ODAD1: variants seen among roughly 807,000 people sequenced by gnomAD.
The protein encoded by ODAD1 is outer dynein arm-docking complex subunit 1.
Under a neutral mutation model 67.2 loss-of-function variants are expected in ODAD1, and 49 were observed. That is an observed-to-expected ratio of 0.73 (90% CI 0.58 to 0.92). The LOEUF (loss-of-function observed/expected upper bound fraction) is 0.92. ODAD1 is among the 40% of genes least tolerant of loss of function. ODAD1 has a pLI of 0.00. For missense variants in ODAD1, 897 were observed against 953.7 expected (o/e 0.94, Z 0.78); for synonymous variants, 345 against 393.7 (o/e 0.88, Z 1.46).
In ODAD1 at chr19:48,303,943, C is replaced by G. The variant is rs1279390744; in HGVS notation, c.853+10G>C. 1.9e-6 allele frequency: 3 copies of G among 1,612,226 alleles called. No homozygotes were observed. Among genetic ancestry groups the G allele is most frequent in the South Asian group, 2.2e-5 (2 of 90,966 alleles). The stretch of plus-strand genomic sequence containing the variant: ...CCCTTGAGATGCAAAGGCAGCAGCC[C>G]CAGCCTCACCCTGCTTTTCACGCTT... On this transcript the variant is annotated intron_variant, in intron 9 of 15. Coordinates refer to ENST00000674294, the MANE Select transcript of ODAD1 (RefSeq NM_001364171.2).
chr19:48,297,811 T>C, intron 14 of ODAD1, 143 bp from the exon 15 acceptor site: 1 of 874,484 alleles, frequency 1.1e-6, no homozygotes, highest in Non-Finnish European at 1.7e-6. Context: ...CGGGGCCCCA[T>C]CCTCCCACAC....
chr19:48,298,464 G>T, intron 12 of ODAD1, 124 bp from the exon 13 acceptor site: 2 of 966,698 alleles, frequency 2.1e-6, no homozygotes, highest in Non-Finnish European at 1.6e-6. Context: ...AGACCAAAAG[G>T]GAGTCACCCG....
intron 5 of ODAD1, among the ~76,000 whole-genome samples, chr19:48,317,446 G>A (rs773764667): frequency 2.0e-5 from 3 of 152,078 alleles, no homozygotes; most frequent in Non-Finnish European, 4.4e-5. Context: ...CACCGTCCTT[G>A]TTTGCAGATG....
At position 48,302,777 on chromosome 19, in the gene ODAD1, C is replaced by A. The variant is rs200697095; in HGVS notation, c.1157G>T (p.Arg386Leu). 3.1e-6 allele frequency: 5 copies of A among 1,613,932 alleles called. No individual in the cohort carries two copies. The highest frequency in any genetic ancestry group is 4.5e-5 in the East Asian group (2 of 44,884). The change falls in exon 12 of 16, where the codon CGC (arginine) becomes CTC (leucine). Residue 386 changes from arginine (R) to leucine (L), a missense_variant. Physicochemically the swap from Arg to Leu is moderately radical, Grantham distance 102. Coordinates refer to ENST00000674294, the MANE Select transcript of ODAD1 (RefSeq NM_001364171.2). ...QEQQQKVLQQ[R>L]MDKVHSEAER... ...AGCCTCCGAGTGCACCTTGTCCATGCGCTGCTGCAACACCTTCTGCTGCTG... is the reference window on the plus strand; with the variant it reads ...AGCCTCCGAGTGCACCTTGTCCATGAGCTGCTGCAACACCTTCTGCTGCTG...
At chr19:48,312,287 C>A (rs1230609666) in intron 5 of ODAD1, among the ~76,000 whole-genome samples, 171 bp from the exon 6 acceptor site, 1 of 152,074 alleles carries the variant, frequency 6.6e-6, no homozygotes, top group Non-Finnish European at 1.5e-5. Flanking sequence ...TTCTGGTGGG[C>A]CTTCCAACCA....
intron 1 of ODAD1, chr19:48,321,456 G>C: frequency 5.0e-6 from 1 of 200,674 alleles, no homozygotes; most frequent in Non-Finnish European, 1.0e-5. Context: ...GGGCCGGCGA[G>C]GGGAGGGGCA....
Position 48,303,604 on chromosome 19 carries a change from G to C in ODAD1, c.988+46C>G, listed in dbSNP as rs763026577. On this transcript the variant is annotated intron_variant, in intron 10 of 15. Coordinates refer to ENST00000674294, the MANE Select transcript of ODAD1 (RefSeq NM_001364171.2). Reference sequence around the variant, plus strand: ...GGCCAGCCTGCACTGGACTCAGGGGGTGCCGGGGTCCCGGGCCTCCTCCCT... The same window carrying C: ...GGCCAGCCTGCACTGGACTCAGGGGCTGCCGGGGTCCCGGGCCTCCTCCCT... 4.3e-6 allele frequency: 7 copies of C among 1,612,010 alleles called. No individual in the cohort carries two copies. In the Middle Eastern group the frequency reaches 9.9e-4, roughly 228 times the overall value.
In ODAD1 at chr19:48,311,105, G is replaced by A. The variant is rs371965311; in HGVS notation, c.597+448C>T. 1.8e-4 allele frequency among the ~76,000 whole-genome samples: 28 copies of A among 152,202 alleles called. No homozygotes were observed. The South Asian group carries it at 4.1e-3, about 23-fold the overall frequency. ...CAGGCCCCTGTAGTCCCAGCTACTC[G>A]GGAGGCTGATACAGGAGAATTGCTT... On this transcript the variant is annotated intron_variant, in intron 7 of 15. Transcript: ENST00000674294.
At chr19:48,320,224 C>T (rs1474603893) in intron 3 of ODAD1, 75 bp downstream of exon 3, 2 of 1,015,474 alleles carry the variant, frequency 2.0e-6, no homozygotes, top group African/African-American at 3.3e-5. Context: ...CCCTCCCTCC[C>T]TACAGGACCT....
intron 7 of ODAD1, among the ~76,000 whole-genome samples, chr19:48,310,803 G>T (rs1028472806): frequency 6.6e-6 from 1 of 152,130 alleles, no homozygotes; most frequent in African/African-American, 2.4e-5. Context: ...AAGACCGGAC[G>T]CAGTGGCTCA....
rs1159441891 is a variant in ODAD1 at position 48,304,069 on chromosome 19, T to C, written c.737A>G (p.Glu246Gly). Residue 246 changes from glutamate to glycine, a missense_variant, in exon 9 of 16, where the codon GAG (glutamate) becomes GGG (glycine). Coordinates refer to ENST00000674294, the MANE Select transcript of ODAD1 (RefSeq NM_001364171.2). ...GATCTGCCGCTGCAGGACCTGCGCC[T>C]CCATCTCGCTCTGGGCCTCCTCTTT... Reference protein sequence around the residue: ...AEKEEAQSEMEAQVLQRQILH... With the variant: ...AEKEEAQSEMGAQVLQRQILH... 6.2e-7 allele frequency: 1 copy of C among 1,614,134 alleles called. No individual in the cohort carries two copies. The highest frequency in any genetic ancestry group is 2.2e-5 in the East Asian group (1 of 44,874).
At chr19:48,316,761 G>A (rs115489398) in intron 5 of ODAD1, among the ~76,000 whole-genome samples, 2,074 of 152,250 alleles carry the variant, frequency 0.014, 47 homozygotes, top group African/African-American at 0.047. Flanking sequence ...ACTTTGGGAG[G>A]CCACGGTGAG....
At chr19:48,314,482 G>C (rs1306578869) in intron 5 of ODAD1, among the ~76,000 whole-genome samples, 1 of 152,166 alleles carries the variant, frequency 6.6e-6, no homozygotes, top group Non-Finnish European at 1.5e-5. Context: ...CTCAGCATGA[G>C]GATGTTTTAA....
chr19:48,318,417 C>T lies in ODAD1; in HGVS notation c.330G>A (p.Leu110=). Residue 110 remains leucine, a synonymous_variant, in exon 5 of 16, where the codon CTG becomes CTA. Coordinates refer to ENST00000674294, the MANE Select transcript of ODAD1 (RefSeq NM_001364171.2). ...RAQVQAEIEE[L]QEQTRALDKQ... Reference sequence around the variant, plus strand: ...TGTCCAGGGCCCTGGTCTGCTCCTGCAGCTCCTCGATCTCCGCCTGCACCT... The same window carrying T: ...TGTCCAGGGCCCTGGTCTGCTCCTGTAGCTCCTCGATCTCCGCCTGCACCT... 6.4e-7 allele frequency: 1 copy of T among 1,551,624 alleles called. No homozygotes were observed. The highest frequency in any genetic ancestry group is 2.0e-5 in the Admixed American group (1 of 50,984).
At chr19:48,318,364 T>C (rs766585097) in intron 5 of ODAD1, 23 bp downstream of exon 5, 6 of 1,544,736 alleles carry the variant, frequency 3.9e-6, no homozygotes, top group Non-Finnish European at 4.4e-6. Flanking sequence ...GCAGGATCCG[T>C]AGAACCACCT....
chr19:48,303,987 C>T lies in ODAD1; in HGVS notation c.819G>A (p.Pro273=), dbSNP rs148382103. The T allele has an allele frequency of 1.5e-4, 238 of 1,614,072 alleles. No individual in the cohort carries two copies. The highest frequency in any genetic ancestry group is 8.2e-4 in the Middle Eastern group (5 of 6,084). Reference sequence around the variant, plus strand: ...CACGCTTCTCCAGGACATCGGGATCCGGCTGCCGGTCGTTGTTCTTGAGCT... The same window carrying T: ...CACGCTTCTCCAGGACATCGGGATCTGGCTGCCGGTCGTTGTTCTTGAGCT... ...FLKLKNNDRQ[P]DPDVLEKREK... The change falls in exon 9 of 16, where the codon CCG becomes CCA. Residue 273 remains proline (P), a synonymous_variant. Coordinates refer to ENST00000674294, the MANE Select transcript of ODAD1 (RefSeq NM_001364171.2).
chr19:48,309,339 G>A (rs1455360449), intron 7 of ODAD1, among the ~76,000 whole-genome samples: 2 of 152,138 alleles, frequency 1.3e-5, no homozygotes, highest in Admixed American at 1.3e-4. Context: ...GACTTGCAAC[G>A]TCTCCTCCAG....
At chr19:48,320,006 C>G in intron 3 of ODAD1, 2 of 1,031,572 alleles carry the variant, frequency 1.9e-6, no homozygotes, top group Non-Finnish European at 2.3e-6. Flanking sequence ...ACTCTAGCCA[C>G]ATTCTGTCAT....
chr19:48,320,747 G>A (rs1969011670), intron 2 of ODAD1, 25 bp downstream of exon 2: 1 of 163,286 alleles, frequency 6.1e-6, no homozygotes, highest in Non-Finnish European at 1.4e-5. Context: ...GGGAGTCCTG[G>A]GCCCTACCTG....
Sources: gnomAD v4.1 joint callset for allele counts (sites outside exome capture counted in the v4.1 genomes callset) on GRCh38, gnomAD v4.1.1 for gene constraint, MANE v1.5 for transcripts, NCBI Gene and HGNC (gene_info 2026-07-23, HGNC 2026-07-21) for gene names.